Variants in SLC4A5 observed in about 807,000 individuals in gnomAD.
The protein encoded by SLC4A5 is electrogenic sodium bicarbonate cotransporter 4.
Under a neutral mutation model 120.4 loss-of-function variants are expected in SLC4A5, and 96 were observed. The ratio of observed to expected loss-of-function variants is 0.80; its 90% CI spans 0.68 to 0.94. The LOEUF is 0.94. Among genes scored for constraint, SLC4A5 ranks in the 40% least tolerant of loss-of-function variants. The probability of loss-of-function intolerance (pLI) is 0.00; values close to 1 mark genes in which losing one functional copy is unlikely to be tolerated. For missense variants in SLC4A5, 1,259 were observed against 1,459.5 expected (o/e 0.86, Z 2.24); for synonymous variants, 550 against 571.1 (o/e 0.96, Z 0.53).
chr2:74,258,003 G>C (rs1671023177), intron 12 of SLC4A5, among the ~76,000 whole-genome samples: 1 of 152,234 alleles, frequency 6.6e-6, no homozygotes, highest in Non-Finnish European at 1.5e-5. Flanking sequence ...GAGCATGCTA[G>C]TGTTCCAACC....
At chr2:74,269,246 G>A (rs1051054616) in intron 8 of SLC4A5, among the ~76,000 whole-genome samples, 1 of 151,612 alleles carries the variant, frequency 6.6e-6, no homozygotes, top group Non-Finnish European at 1.5e-5. Flanking sequence ...CACTCTCATC[G>A]CCCAGGCTGG....
chr2:74,227,271 G>A (rs893002246), intron 26 of SLC4A5, 141 bp from the exon 27 acceptor site: 3 of 1,041,844 alleles, frequency 2.9e-6, no homozygotes, highest in Non-Finnish European at 4.1e-6. Flanking sequence ...CGGGAGGGGG[G>A]CTGGAGGTGT....
At chr2:74,285,120 C>T (rs1671940448) in intron 8 of SLC4A5, among the ~76,000 whole-genome samples, 1 of 152,180 alleles carries the variant, frequency 6.6e-6, no homozygotes, top group Non-Finnish European at 1.5e-5. Flanking sequence ...TGGCATGTGA[C>T]TGAAGTACCA....
In SLC4A5 at chr2:74,290,411, G is replaced by GA. The variant is rs1030145549; in HGVS notation, c.272-4510dup. The GA allele has an allele frequency of 2.1e-5, 21 of 985,326 alleles. No homozygotes were observed. The African/African-American group carries it at 3.7e-4, about 17-fold the overall frequency. 61.0% of individuals were successfully genotyped at this position (985,326 alleles called of 1,614,324 possible). ...AAGCACCAGGGGAGGTGTGGGGAGA[G>GA]AAGAAGGGGGGTTTGAGGGGAGAAA... On this transcript the variant is annotated intron_variant, in intron 7 of 30. Transcript: ENST00000394019.
intron 6 of SLC4A5, among the ~76,000 whole-genome samples, chr2:74,308,357 T>C (rs1270161056): frequency 2.6e-5 from 4 of 152,224 alleles, no homozygotes; most frequent in Non-Finnish European, 5.9e-5. Flanking sequence ...TGGAAGAGCA[T>C]TTCCTATTGC....
chr2:74,227,368 A>C, intron 26 of SLC4A5: 1 of 1,219,244 alleles, frequency 8.2e-7, no homozygotes, highest in Non-Finnish European at 1.1e-6. Flanking sequence ...CAAAATGGAC[A>C]TTGTCCATAT....
chr2:74,219,878 T>C (rs1694568259), intron 30 of SLC4A5, among the ~76,000 whole-genome samples: 2 of 152,182 alleles, frequency 1.3e-5, no homozygotes, highest in African/African-American at 2.4e-5. Flanking sequence ...GGTGACACTT[T>C]GGGCTAGAGC....
chr2:74,226,519 G>A (rs549982269), intron 27 of SLC4A5, among the ~76,000 whole-genome samples: 125 of 152,188 alleles, frequency 8.2e-4, no homozygotes, highest in African/African-American at 2.7e-3. Context: ...CTTGATCTCT[G>A]ACCCTCGTTC....
rs567683172 is a variant in SLC4A5, at chr2:74,219,282, T to C, written c.*34-490A>G. 3.3e-5 allele frequency among the ~76,000 whole-genome samples: 5 copies of C among 152,020 alleles called. No homozygotes were observed. In the South Asian group the frequency reaches 1.0e-3, roughly 32 times the overall value. On this transcript the variant is annotated intron_variant, in intron 30 of 30. Transcript: ENST00000394019. ...CCACTGCCTGAAATGCCTTTTCTTT[T>C]CTCTGCCCCGCTCTATGTCTGGCAG...
intron 7 of SLC4A5, among the ~76,000 whole-genome samples, chr2:74,301,929 C>CT (rs1672485732): frequency 6.6e-6 from 1 of 152,096 alleles, no homozygotes; most frequent in South Asian, 2.1e-4. Flanking sequence ...TTTACTTGAA[C>CT]TTTTAAATTT....
rs564099127 is a variant in SLC4A5 at position 74,240,694 on chromosome 2, A to C, written c.2119-1159T>G. ...TGAGGCAGGAAGATCACTTGAGCTC[A>C]GGAATTTGAGGCTGCAGTGATGATA... On this transcript the variant is annotated intron_variant, in intron 20 of 30. Transcript: ENST00000394019. Among the ~76,000 whole-genome samples the C allele has an allele frequency of 2.0e-5, 3 of 151,950 alleles. No homozygotes were observed. In the South Asian group the frequency reaches 6.2e-4, roughly 32 times the overall value.
At chr2:74,296,476 T>C (rs1479973940) in intron 7 of SLC4A5, among the ~76,000 whole-genome samples, 2 of 151,910 alleles carry the variant, frequency 1.3e-5, no homozygotes, top group East Asian at 3.9e-4. Context: ...AGAAAGCCAA[T>C]TGTCGGCCAG....
chr2:74,286,427 T>C lies in SLC4A5; in HGVS notation c.272-525A>G, dbSNP rs192257901. On this transcript the variant is annotated intron_variant, in intron 7 of 30. Transcript: ENST00000394019. ...CCCCAGCCTGCTTTCCAGCTGCCCA[T>C]TGGAAGTCACTTCCTGGGTGTCTCC... Among the ~76,000 whole-genome samples the C allele has an allele frequency of 5.3e-5, 8 of 152,320 alleles. No homozygotes were observed. The East Asian group carries it at 5.8e-4, about 11-fold the overall frequency.
intron 20 of SLC4A5, among the ~76,000 whole-genome samples, chr2:74,240,480 C>T (rs1670403050): frequency 6.6e-6 from 1 of 152,122 alleles, no homozygotes; most frequent in African/African-American, 2.4e-5. Context: ...CTTTTTTAGC[C>T]TTCAGTGCAC....
intron 15 of SLC4A5, among the ~76,000 whole-genome samples, 193 bp from the exon 16 acceptor site, chr2:74,252,581 T>A (rs1670828302): frequency 6.6e-6 from 1 of 152,250 alleles, no homozygotes; most frequent in South Asian, 2.1e-4. Flanking sequence ...TTATTATTTT[T>A]AAACTTATTT....
At chr2:74,322,514 G>A (rs1329400211) in intron 5 of SLC4A5, among the ~76,000 whole-genome samples, 1 of 152,120 alleles carries the variant, frequency 6.6e-6, no homozygotes, top group Non-Finnish European at 1.5e-5. Context: ...GGAAGGATAA[G>A]GTTAATGATG....
chr2:74,228,381 A>G (rs183705919), intron 25 of SLC4A5, among the ~76,000 whole-genome samples: 45 of 152,316 alleles, frequency 3.0e-4, no homozygotes, highest in Admixed American at 2.7e-3. Flanking sequence ...TAGTCCTAGC[A>G]CTTTGGGAGG....
At chr2:74,280,870 A>C (rs1393283936) in intron 8 of SLC4A5, among the ~76,000 whole-genome samples, 1 of 152,170 alleles carries the variant, frequency 6.6e-6, no homozygotes, top group East Asian at 1.9e-4. Context: ...TATTTTTAGT[A>C]GAGATGGGGT....
At chr2:74,247,201 T>C (rs1670640510) in exon 19 of SLC4A5, 9 of 1,614,156 alleles carry the variant, frequency 5.6e-6, no homozygotes, top group Non-Finnish European at 7.6e-6. Context: ...AAGCGGGTGA[T>C]ATATTTGATG....
Sources: allele counts gnomAD v4.1 joint callset (sites outside exome capture counted in the v4.1 genomes callset), GRCh38; gene constraint gnomAD v4.1.1; transcripts MANE v1.5; gene names NCBI Gene and HGNC (gene_info 2026-07-23, HGNC 2026-07-21).